The following ANO10 variants were observed in gnomAD, a reference collection of about 807,000 sequenced individuals.
ANO10 encodes anoctamin-10.
A neutral mutation model predicts 74.7 loss-of-function variants in ANO10; 77 were observed. The observed-to-expected ratio is 1.03, with a 90% CI of 0.86 to 1.25. The LOEUF (loss-of-function observed/expected upper bound fraction) is 1.25. ANO10 is among the 50% of genes most tolerant of loss of function. The pLI, the probability that ANO10 is intolerant of heterozygous loss-of-function variation, is 0.00. For missense variants in ANO10, 721 were observed against 778.1 expected (o/e 0.93, Z 0.87); for synonymous variants, 279 against 284.9 (o/e 0.98, Z 0.21).
At chr3:43,406,544 C>A (rs58467532) in intron 12 of ANO10, among the ~76,000 whole-genome samples, 3,662 of 152,300 alleles carry the variant, frequency 0.024, 149 homozygotes, top group African/African-American at 0.082. Flanking sequence ...GAACTGCCTT[C>A]TGTACGCATA....
intron 4 of ANO10, among the ~76,000 whole-genome samples, chr3:43,594,726 T>C (rs1486498177): frequency 1.3e-5 from 2 of 152,122 alleles, no homozygotes; most frequent in Non-Finnish European, 2.9e-5. Flanking sequence ...AGCAAACACA[T>C]GCAAAAGCTA....
intron 11 of ANO10, among the ~76,000 whole-genome samples, chr3:43,487,731 T>G (rs1324718766): frequency 2.0e-5 from 3 of 152,182 alleles, no homozygotes; most frequent in African/African-American, 7.2e-5. Context: ...GTCTATCAAT[T>G]TTGTTGATCC....
intron 11 of ANO10, among the ~76,000 whole-genome samples, chr3:43,543,451 C>CG (rs1181370458): frequency 1.3e-5 from 2 of 152,094 alleles, no homozygotes; most frequent in Non-Finnish European, 2.9e-5. Context: ...GTGCAGTGGC[C>CG]GGATCTCAGC....
At chr3:43,668,963 A>G (rs1425335986) in intron 1 of ANO10, among the ~76,000 whole-genome samples, 2 of 152,126 alleles carry the variant, frequency 1.3e-5, no homozygotes, top group African/African-American at 4.8e-5. Context: ...TACTTCTTTA[A>G]AAACATTATT....
At chr3:43,398,497 C>T (rs1210431788) in intron 12 of ANO10, among the ~76,000 whole-genome samples, 1 of 152,172 alleles carries the variant, frequency 6.6e-6, no homozygotes, top group Non-Finnish European at 1.5e-5. Context: ...CACAGTCTAA[C>T]CTTGGTCTCC....
chr3:43,411,929 GTTTGA>G (rs1192704966), intron 12 of ANO10, among the ~76,000 whole-genome samples: 3 of 151,616 alleles, frequency 2.0e-5, no homozygotes, highest in African/African-American at 7.3e-5. Flanking sequence ...CAGTTAAGCT[GTTTGA>G]TTTGAGCTCC....
intron 11 of ANO10, among the ~76,000 whole-genome samples, chr3:43,468,691 G>A (rs2075726572): frequency 6.7e-6 from 1 of 150,090 alleles, no homozygotes; most frequent in Admixed American, 6.6e-5. Context: ...AAACATCTCA[G>A]TGGGTTTTCT....
At chr3:43,502,527 G>A (rs531172993) in intron 11 of ANO10, among the ~76,000 whole-genome samples, 2 of 152,292 alleles carry the variant, frequency 1.3e-5, no homozygotes, top group African/African-American at 4.8e-5. Flanking sequence ...ACAGCCAGAG[G>A]CCCTCACCAG....
chr3:43,554,021 G>A (rs2079612452), intron 10 of ANO10, among the ~76,000 whole-genome samples: 1 of 151,530 alleles, frequency 6.6e-6, no homozygotes, highest in Non-Finnish European at 1.5e-5. Context: ...TTTTTCATTT[G>A]TTTCAGATAT....
chr3:43,617,982 C>G (rs546822736), intron 1 of ANO10: 1 of 152,342 alleles, frequency 6.6e-6, no homozygotes, highest in South Asian at 2.1e-4. Flanking sequence ...AGGGCCAGGC[C>G]AACTCCAGAG....
intron 11 of ANO10, among the ~76,000 whole-genome samples, chr3:43,537,061 G>C (rs556707035): frequency 1.3e-5 from 2 of 148,318 alleles, no homozygotes; most frequent in African/African-American, 2.5e-5. Flanking sequence ...AACCATCCTC[G>C]GTTAAGTTTT....
intron 11 of ANO10, among the ~76,000 whole-genome samples, chr3:43,547,061 C>A (rs1159748988): frequency 6.6e-6 from 1 of 152,082 alleles, no homozygotes; most frequent in Non-Finnish European, 1.5e-5. Flanking sequence ...AAAAAAGGAT[C>A]CATTAACTAC....
chr3:43,450,895 A>G (rs2148995175), intron 11 of ANO10, among the ~76,000 whole-genome samples: 1 of 152,332 alleles, frequency 6.6e-6, no homozygotes, highest in South Asian at 2.1e-4. Flanking sequence ...CCATTCACAG[A>G]TGAATTTCTA....
chr3:43,573,251 G>A (rs1410663039), intron 7 of ANO10, among the ~76,000 whole-genome samples: 3 of 152,116 alleles, frequency 2.0e-5, no homozygotes, highest in African/African-American at 4.8e-5. Flanking sequence ...CCATTTCACG[G>A]TGTGAAGGAG....
intron 11 of ANO10, among the ~76,000 whole-genome samples, chr3:43,481,467 C>T (rs565754017): frequency 6.6e-6 from 1 of 152,248 alleles, no homozygotes; most frequent in Non-Finnish European, 1.5e-5. Context: ...CAAGGGCATT[C>T]CAAAGCTAAC....
Position 43,561,400 on chromosome 3 carries a change from G to A in ANO10, c.1296C>T (p.Ser432=), listed in dbSNP as rs1260238001. Reference sequence around the variant, plus strand: ...GGGAGGTAATTAGGAGAGTGGCCAAGCTCTAAAGAGAAGCACACAAATCAC... The same window carrying A: ...GGGAGGTAATTAGGAGAGTGGCCAAACTCTAAAGAGAAGCACACAAATCAC... ...VLKDMKLLRQ[S]LATLLITSQI... is the part of the protein sequence containing the mutation. The change falls in exon 9 of 13, where the codon AGC becomes AGT. Residue 432 remains serine, a splice_region_variant and synonymous_variant. Coordinates refer to ENST00000292246, the MANE Select transcript of ANO10 (RefSeq NM_018075.5). The A allele has an allele frequency of 6.2e-7, 1 of 1,613,892 alleles. No individual in the cohort carries two copies. The highest frequency in any genetic ancestry group is 8.5e-7 in the Non-Finnish European group (1 of 1,179,868).
intron 6 of ANO10, among the ~76,000 whole-genome samples, chr3:43,576,355 C>A (rs1453888418): frequency 2.6e-5 from 4 of 152,192 alleles, no homozygotes; most frequent in Non-Finnish European, 5.9e-5. Flanking sequence ...TATTTGCTGT[C>A]TGAACCTCAT....
At chr3:43,580,256 A>G (rs2081202014) in intron 5 of ANO10, 97 bp downstream of exon 5, 2 of 1,521,888 alleles carry the variant, frequency 1.3e-6, no homozygotes, top group Non-Finnish European at 1.8e-6. Context: ...CCAGTAGAGC[A>G]CTAAATATCT....
chr3:43,663,534 T>G (rs1033339136), intron 1 of ANO10, among the ~76,000 whole-genome samples: 1 of 152,226 alleles, frequency 6.6e-6, no homozygotes, highest in African/African-American at 2.4e-5. Flanking sequence ...TTGGAAGTTC[T>G]GGCCAGGGCA....
Sources: gnomAD v4.1 joint callset for allele counts (sites outside exome capture counted in the v4.1 genomes callset) on GRCh38, gnomAD v4.1.1 for gene constraint, MANE v1.5 for transcripts, NCBI Gene and HGNC (gene_info 2026-07-23, HGNC 2026-07-21) for gene names.